CHRNA4: variants seen among roughly 807,000 people sequenced by gnomAD.
The protein encoded by CHRNA4 is neuronal acetylcholine receptor subunit alpha-4.
In CHRNA4, 28 loss-of-function variants were observed where a neutral mutation model predicts 48.9. The ratio of observed to expected loss-of-function variants is 0.57; its 90% CI spans 0.42 to 0.79. The LOEUF is 0.79. Ranked by LOEUF, CHRNA4 falls within the 30% of genes least tolerant of loss-of-function variation. The pLI, the probability that CHRNA4 is intolerant of heterozygous loss-of-function variation, is 0.00. For synonymous variants in CHRNA4, 425 were observed against 402.3 expected (o/e 1.06, Z -0.68); for missense variants, 859 against 898.4 (o/e 0.96, Z 0.56).
Position 63,343,675 on chromosome 20 carries a change from C to G in CHRNA4, c.*3063G>C. On this transcript the variant is annotated 3_prime_UTR_variant, in exon 6 of 6. Transcript: ENST00000370263. The stretch of plus-strand genomic sequence containing the variant: ...CAGGCCGGTCCGGAGGCAGAAGGGG[C>G]TGGGAAGCCCTGGCCAGGGCCTTCA... 2.2e-6 allele frequency: 1 copy of G among 446,592 alleles called. No individual in the cohort carries two copies. The highest frequency in any genetic ancestry group is 4.5e-6 in the Non-Finnish European group (1 of 221,934). The allele number at this position is 446,592 out of a possible 1,614,324, so 27.7% of individuals were successfully genotyped here.
At position 63,344,045 on chromosome 20, in the gene CHRNA4, T is replaced by G. The variant is rs570983745; in HGVS notation, c.*2693A>C. 1 of 454,140 alleles carries G rather than the reference T, an allele frequency of 2.2e-6. No individual in the cohort carries two copies. The highest frequency in any genetic ancestry group is 4.4e-6 in the Non-Finnish European group (1 of 226,788). 28.1% of individuals were successfully genotyped at this position (454,140 alleles called of 1,614,324 possible). On this transcript the variant is annotated 3_prime_UTR_variant, in exon 6 of 6. Transcript: ENST00000370263. This position sits in a 1 kb window ranked among gnomAD's most constrained non-coding sequence, Gnocchi z 4.5. ...ACCTCCATTCCTAATCACCGACAGC[T>G]GCAAGCAAAGTCCACTAACAGGTGA... is the stretch of plus-strand genomic sequence containing the variant.
intron 5 of CHRNA4, 22 bp downstream of exon 5, chr20:63,349,631 C>T (rs768908561): frequency 1.9e-6 from 3 of 1,612,396 alleles, no homozygotes; most frequent in Non-Finnish European, 2.5e-6. Flanking sequence ...AGGCGCCCAA[C>T]ACAGCCATGG....
chr20:63,346,879 C>G lies in CHRNA4; in HGVS notation c.1759-16G>C, dbSNP rs1379659753. The G allele has an allele frequency of 6.2e-7, 1 of 1,612,004 alleles. No individual in the cohort carries two copies. Among genetic ancestry groups the G allele is most frequent in the African/African-American group, 1.3e-5 (1 of 74,890 alleles). Reference sequence around the variant, plus strand: ...CCTCCTTCACCTGCAAGCACAGACGCCGTCACTCCAGCACGGCCCGGCCGC... The same window carrying G: ...CCTCCTTCACCTGCAAGCACAGACGGCGTCACTCCAGCACGGCCCGGCCGC... On this transcript the variant is annotated splice_polypyrimidine_tract_variant and intron_variant, in intron 5 of 5. Transcript: ENST00000370263.
Position 63,344,789 on chromosome 20 carries a change from C to G in CHRNA4, c.*1949G>C, listed in dbSNP as rs41309383. The G allele has an allele frequency of 3.4e-3, 1,551 of 453,864 alleles. 4 individuals carry two copies. The highest frequency in any genetic ancestry group is 4.8e-3 in the Middle Eastern group (7 of 1,444). 28.1% of individuals were successfully genotyped at this position (453,864 alleles called of 1,614,324 possible). ...CATGGCCCCGGGATGACCTCACTCTCCCAGGGTCTCCCTGCGTCCTGGGAG... is the reference window on the plus strand; with the variant it reads ...CATGGCCCCGGGATGACCTCACTCTGCCAGGGTCTCCCTGCGTCCTGGGAG... On this transcript the variant is annotated 3_prime_UTR_variant, in exon 6 of 6. Coordinates refer to ENST00000370263, the MANE Select transcript of CHRNA4 (RefSeq NM_000744.7). This position sits in a 1 kb window ranked among gnomAD's most constrained non-coding sequence, Gnocchi z 4.5.
intron 3 of CHRNA4, 29 bp downstream of exon 3, chr20:63,356,342 G>T (rs765751577): frequency 6.4e-7 from 1 of 1,558,354 alleles, no homozygotes; most frequent in Admixed American, 1.9e-5. Context: ...GAGGGCAGGG[G>T]TGGGGCAGGG....
At chr20:63,351,211 T>TCCCCAC (rs1268709175) in intron 4 of CHRNA4, 184 bp from the exon 5 acceptor site, 1 of 518,790 alleles carries the variant, frequency 1.9e-6, no homozygotes, top group African/African-American at 2.3e-5. Context: ...CACACCCACG[T>TCCCCAC]CCACGTCCAC....
intron 1 of CHRNA4, 112 bp downstream of exon 1, chr20:63,360,978 G>T: frequency 1.1e-6 from 1 of 925,340 alleles, no homozygotes; most frequent in South Asian, 2.8e-5. Context: ...GCCCAGTCGC[G>T]CGCACCCGCG....
Position 63,357,137 on chromosome 20 carries a change from G to A in CHRNA4, c.229-722C>T, listed in dbSNP as rs58656357. On this transcript the variant is annotated intron_variant, in intron 2 of 5. Transcript: ENST00000370263. ...CCACAGGACCACGTCTCCACGGACC[G>A]TGTCCCCACAGGACCACGTCTCCAC... 3.7e-3 allele frequency among the ~76,000 whole-genome samples: 435 copies of A among 118,848 alleles called. 9 individuals are homozygous for A. Among genetic ancestry groups the A allele is most frequent in the South Asian group, 0.011 (36 of 3,142 alleles). 78.0% of individuals were successfully genotyped at this position (118,848 alleles called of 152,430 possible). A position where few individuals can be genotyped will look rare whatever the true frequency, so the allele number is the denominator to read the frequency against.
chr20:63,355,579 A>G (rs909927342), intron 4 of CHRNA4: 6 of 1,298,836 alleles, frequency 4.6e-6, no homozygotes, highest in East Asian at 1.1e-4. Flanking sequence ...CTCCTGCCCA[A>G]AAGGGCTCTC....
rs2068471733 is a variant in CHRNA4, at chr20:63,345,189, C to T, written c.*1549G>A. The T allele has an allele frequency of 4.5e-6, 2 of 447,840 alleles. No homozygotes were observed. Among genetic ancestry groups the T allele is most frequent in the South Asian group, 3.1e-5 (2 of 64,196 alleles). 27.7% of individuals were successfully genotyped at this position (447,840 alleles called of 1,614,324 possible). The stretch of plus-strand genomic sequence containing the variant: ...CAGGCACCTCCTGACGAGACCCTGG[C>T]CCAGGAGAGCTCGGCTCGGGGACAG... On this transcript the variant is annotated 3_prime_UTR_variant, in exon 6 of 6. Transcript: ENST00000370263. The surrounding 1 kb of genome is among the most constrained non-coding windows in gnomAD (Gnocchi z 5.4).
chr20:63,351,179 A>AATCCACACCCATGCCCACG (rs1568811597), intron 4 of CHRNA4, 152 bp from the exon 5 acceptor site: 1 of 531,986 alleles, frequency 1.9e-6, no homozygotes, highest in Admixed American at 3.2e-5. Context: ...CCACGCCCAC[A>AATCCACACCCATGCCCACG]TCCATGTCCC....
At chr20:63,354,183 G>A (rs1158597945) in intron 4 of CHRNA4, among the ~76,000 whole-genome samples, 1 of 118,144 alleles carries the variant, frequency 8.5e-6, no homozygotes, top group Non-Finnish European at 1.7e-5. Flanking sequence ...GTCCTGGGGG[G>A]CTGTGGTCCT....
At chr20:63,357,950 G>A (rs1445974534) in intron 2 of CHRNA4, among the ~76,000 whole-genome samples, 1 of 152,238 alleles carries the variant, frequency 6.6e-6, no homozygotes, top group Non-Finnish European at 1.5e-5. Flanking sequence ...GGGAGCCATG[G>A]ATTGAGCCCT....
At position 63,350,148 on chromosome 20, in the gene CHRNA4, G is replaced by A; in HGVS notation, c.1263C>T (p.Ser421=). 4 of 1,574,610 alleles carry A rather than the reference G, an allele frequency of 2.5e-6. No individual in the cohort carries two copies. The highest frequency in any genetic ancestry group is 3.5e-6 in the Non-Finnish European group (4 of 1,157,778). The change falls in exon 5 of 6, where the codon TCC becomes TCT. Residue 421 remains serine, a synonymous_variant. Transcript: ENST00000370263. The part of the protein sequence containing the change: ...PLDVPAEPGP[S]CKSPSDQLPP... Reference sequence around the variant, plus strand: ...GGAGCTGGTCGGAGGGTGACTTGCAGGAAGGCCCAGGCTCAGCCGGCACAT... The same window carrying A: ...GGAGCTGGTCGGAGGGTGACTTGCAAGAAGGCCCAGGCTCAGCCGGCACAT...
At chr20:63,352,703 A>G (rs897641390) in intron 4 of CHRNA4, among the ~76,000 whole-genome samples, 1 of 152,012 alleles carries the variant, frequency 6.6e-6, no homozygotes, top group East Asian at 1.9e-4. Context: ...TTCAGCACAC[A>G]CTCTACAGGG....
At chr20:63,348,165 A>G (rs868345441) in intron 5 of CHRNA4, among the ~76,000 whole-genome samples, 9 of 152,330 alleles carry the variant, frequency 5.9e-5, no homozygotes, top group African/African-American at 2.2e-4. Context: ...CAGGTCAGGC[A>G]GCGGCAGCAA....
chr20:63,346,935 C>G, intron 5 of CHRNA4, 72 bp from the exon 6 acceptor site: 1 of 1,602,930 alleles, frequency 6.2e-7, no homozygotes. Context: ...AGGACCCCGG[C>G]GCCGCCGGCA....
chr20:63,355,833 G>A (rs1047922821), intron 4 of CHRNA4, 142 bp downstream of exon 4: 2 of 1,178,276 alleles, frequency 1.7e-6, no homozygotes, highest in Admixed American at 2.1e-5. Context: ...TCCTGGGCCT[G>A]GGCTGGCATG....
intron 2 of CHRNA4, among the ~76,000 whole-genome samples, chr20:63,357,098 A>G (rs941133827): frequency 7.0e-6 from 1 of 143,806 alleles, no homozygotes; most frequent in Non-Finnish European, 1.5e-5. Flanking sequence ...CCACATCCCC[A>G]CAGGACCACA....
Sources: gnomAD v4.1 joint callset for allele counts (sites outside exome capture counted in the v4.1 genomes callset) on GRCh38, gnomAD v4.1.1 for gene constraint, Gnocchi (gnomAD v3.1) non-coding constraint, MANE v1.5 for transcripts, NCBI Gene and HGNC (gene_info 2026-07-23, HGNC 2026-07-21) for gene names.